Variants in ADGRL4 observed in about 807,000 individuals in gnomAD.
ADGRL4 encodes the protein EGF, latrophilin and seven transmembrane domain containing 1.
A neutral mutation model predicts 74.8 loss-of-function variants in ADGRL4; 90 were observed. That is an observed-to-expected ratio of 1.20 (90% CI 1.02 to 1.43). The LOEUF (loss-of-function observed/expected upper bound fraction) is 1.43. Ranked by LOEUF, ADGRL4 falls within the 40% of genes most tolerant of loss-of-function variation. The pLI is 0.00. For missense variants in ADGRL4, 881 were observed against 814.3 expected (o/e 1.08, Z -1.00); for synonymous variants, 311 against 279.2 (o/e 1.11, Z -1.14).
At chr1:78,976,976 T>C (rs1650298496) in intron 2 of ADGRL4, among the ~76,000 whole-genome samples, 1 of 151,766 alleles carries the variant, frequency 6.6e-6, no homozygotes, top group Non-Finnish European at 1.5e-5. Flanking sequence ...CTAGTACAAA[T>C]CTACAGACCA....
chr1:78,927,746 C>T (rs1047704603), intron 7 of ADGRL4, among the ~76,000 whole-genome samples: 6 of 152,054 alleles, frequency 3.9e-5, no homozygotes, highest in Non-Finnish European at 7.4e-5. Flanking sequence ...AATAAAAGGA[C>T]TGTAATAACA....
chr1:78,997,279 A>G (rs1008455805), intron 2 of ADGRL4, among the ~76,000 whole-genome samples: 3 of 152,190 alleles, frequency 2.0e-5, no homozygotes, highest in African/African-American at 7.2e-5. Flanking sequence ...TTCCACAGAT[A>G]CATAAATAAA....
At chr1:78,992,280 A>G (rs935717100) in intron 2 of ADGRL4, among the ~76,000 whole-genome samples, 1 of 152,092 alleles carries the variant, frequency 6.6e-6, no homozygotes, top group Non-Finnish European at 1.5e-5. Context: ...AAACAATTAT[A>G]AAGAGAATCT....
chr1:78,999,988 T>C (rs1174392133), intron 2 of ADGRL4, among the ~76,000 whole-genome samples: 1 of 152,114 alleles, frequency 6.6e-6, no homozygotes, highest in East Asian at 1.9e-4. Flanking sequence ...AGAAAATACA[T>C]TGTGCAAAGT....
chr1:78,976,717 C>T (rs1650290734), intron 2 of ADGRL4, among the ~76,000 whole-genome samples: 1 of 150,210 alleles, frequency 6.7e-6, no homozygotes, highest in Admixed American at 6.6e-5. Context: ...CACAAACAAT[C>T]AAAGCTTGTT....
At chr1:78,946,032 T>G (rs569548316) in intron 3 of ADGRL4, among the ~76,000 whole-genome samples, 1 of 152,198 alleles carries the variant, frequency 6.6e-6, no homozygotes, top group Admixed American at 6.6e-5. Context: ...CACTTTCTTT[T>G]ATTTATTTAT....
intron 12 of ADGRL4, among the ~76,000 whole-genome samples, chr1:78,900,386 G>T (rs189067147): frequency 2.1e-4 from 32 of 152,282 alleles, no homozygotes; most frequent in African/African-American, 7.5e-4. Context: ...AGAACTGTGA[G>T]ATAATACGTT....
rs202232139 is a variant in ADGRL4, at chr1:78,978,864, CT to C, written c.172+26205del. Among the ~76,000 whole-genome samples, 520 of 151,462 alleles carry C rather than the reference CT, an allele frequency of 3.4e-3. 2 individuals are homozygous for C. Among genetic ancestry groups the C allele is most frequent in the Non-Finnish European group, 4.5e-3 (308 of 67,764 alleles). ...GTTAATCTAATGCCAAAGATCTTAT[CT>C]TTTTTTTTCTTCTTTGTCCTAACAT... On this transcript the variant is annotated intron_variant, in intron 2 of 14. Transcript: ENST00000370742.
intron 2 of ADGRL4, among the ~76,000 whole-genome samples, chr1:78,951,782 ACTGT>A (rs968857635): frequency 1.4e-4 from 21 of 152,320 alleles, no homozygotes; most frequent in African/African-American, 4.8e-4. Flanking sequence ...TATGCTTAAG[ACTGT>A]CTGACTCCAA....
At chr1:78,987,281 G>A (rs1029434367) in intron 2 of ADGRL4, among the ~76,000 whole-genome samples, 4 of 151,720 alleles carry the variant, frequency 2.6e-5, no homozygotes, top group Non-Finnish European at 5.9e-5. Flanking sequence ...ATGGGGAAAC[G>A]CACTCCAAAG....
chr1:78,969,988 C>CT (rs1650137994), intron 2 of ADGRL4, among the ~76,000 whole-genome samples: 6 of 152,078 alleles, frequency 3.9e-5, no homozygotes. Flanking sequence ...TGGAGGTTTC[C>CT]TTTTTTGGGA....
intron 12 of ADGRL4, among the ~76,000 whole-genome samples, chr1:78,915,691 T>A (rs1221656576): frequency 6.6e-6 from 1 of 151,850 alleles, no homozygotes; most frequent in African/African-American, 2.4e-5. Flanking sequence ...TGGTGGTTCT[T>A]TTTTAAATGT....
intron 2 of ADGRL4, among the ~76,000 whole-genome samples, chr1:78,968,043 G>T (rs1404887225): frequency 6.6e-6 from 1 of 152,094 alleles, no homozygotes; most frequent in Non-Finnish European, 1.5e-5. Context: ...AGGTACATGA[G>T]ATTGCCAAAA....
At chr1:78,915,783 G>A (rs1462164417) in intron 12 of ADGRL4, among the ~76,000 whole-genome samples, 2 of 151,838 alleles carry the variant, frequency 1.3e-5, no homozygotes, top group Non-Finnish European at 2.9e-5. Context: ...CTAACATTGT[G>A]TTATATAGCT....
At chr1:78,995,126 T>G (rs1429560892) in intron 2 of ADGRL4, among the ~76,000 whole-genome samples, 1 of 152,190 alleles carries the variant, frequency 6.6e-6, no homozygotes, top group Non-Finnish European at 1.5e-5. Context: ...CACATCACAG[T>G]GACTAAACCT....
intron 7 of ADGRL4, among the ~76,000 whole-genome samples, chr1:78,930,968 T>G (rs1649229988): frequency 6.6e-6 from 1 of 151,296 alleles, no homozygotes; most frequent in African/African-American, 2.5e-5. Context: ...TTGAAGAGTT[T>G]ACTATACAAA....
chr1:78,952,111 T>G (rs1450790763), intron 2 of ADGRL4, among the ~76,000 whole-genome samples: 1 of 152,084 alleles, frequency 6.6e-6, no homozygotes, highest in African/African-American at 2.4e-5. Flanking sequence ...GAATCGTCTT[T>G]TTTTTATCAC....
chr1:78,928,356 T>G (rs1649161475), intron 7 of ADGRL4, among the ~76,000 whole-genome samples: 1 of 151,512 alleles, frequency 6.6e-6, no homozygotes, highest in African/African-American at 2.4e-5. Flanking sequence ...GGTTTTGAAC[T>G]TCTTCAATTC....
At chr1:78,930,609 C>CCTGG (rs1208295442) in intron 7 of ADGRL4, among the ~76,000 whole-genome samples, 2 of 150,896 alleles carry the variant, frequency 1.3e-5, no homozygotes, top group African/African-American at 2.5e-5. Context: ...CACCATCACA[C>CCTGG]CTGGCTAATT....
Sources: allele counts gnomAD v4.1 joint callset (sites outside exome capture counted in the v4.1 genomes callset), GRCh38; gene constraint gnomAD v4.1.1; transcripts MANE v1.5; gene names NCBI Gene and HGNC (gene_info 2026-07-23, HGNC 2026-07-21).